Variants in DACH1 observed in about 807,000 individuals in gnomAD.
The protein encoded by DACH1 is dachshund family transcription factor 1, also known as dachshund homolog 1.
DACH1 carries 12 observed loss-of-function variants against 54.2 expected under a neutral mutation model. The ratio of observed to expected loss-of-function variants is 0.22; its 90% CI spans 0.14 to 0.36. The LOEUF is 0.36. Ranked by LOEUF, DACH1 falls within the 10% of genes least tolerant of loss-of-function variation. DACH1 has a pLI of 1.00. For missense variants in DACH1, 805 were observed against 929.8 expected, an observed-to-expected ratio of 0.87 and a Z score of 1.75; for synonymous variants, 386 against 366.2, an observed-to-expected ratio of 1.05 and a Z score of -0.62.
At chr13:71,563,727 T>A (rs1884736702) in intron 4 of DACH1, among the ~76,000 whole-genome samples, 1 of 151,650 alleles carries the variant, frequency 6.6e-6, no homozygotes, top group Non-Finnish European at 1.5e-5. Context: ...GCTCAGTAAA[T>A]ATGTATAAGT....
chr13:71,678,246 G>C (rs1479849929), intron 2 of DACH1, among the ~76,000 whole-genome samples: 1 of 152,158 alleles, frequency 6.6e-6, no homozygotes, highest in African/African-American at 2.4e-5. Flanking sequence ...GTGGGAGAAA[G>C]ATGTTATATA....
At chr13:71,602,891 T>A (rs1321340443) in intron 3 of DACH1, among the ~76,000 whole-genome samples, 20 of 151,992 alleles carry the variant, frequency 1.3e-4, no homozygotes, top group Admixed American at 1.3e-3. Flanking sequence ...TCATATGCTG[T>A]GAGTTAATAA....
At chr13:71,477,602 T>C in intron 8 of DACH1, among the ~76,000 whole-genome samples, 1 of 152,050 alleles carries the variant, frequency 6.6e-6, no homozygotes, top group Non-Finnish European at 1.5e-5. Flanking sequence ...ATCATGTGCT[T>C]ACCTTAACAA....
intron 6 of DACH1, among the ~76,000 whole-genome samples, chr13:71,539,402 C>T (rs937793124): frequency 1.3e-5 from 2 of 151,892 alleles, no homozygotes; most frequent in Non-Finnish European, 2.9e-5. Context: ...ATCTTTCCTT[C>T]GAAAGACTTT....
At chr13:71,551,181 T>C (rs564579024) in intron 6 of DACH1, among the ~76,000 whole-genome samples, 3 of 152,194 alleles carry the variant, frequency 2.0e-5, no homozygotes, top group Non-Finnish European at 4.4e-5. Flanking sequence ...AATTTTTTAT[T>C]GATACATAAT....
At position 71,675,238 on chromosome 13, in the gene DACH1, A is replaced by G. The variant is rs1453910511; in HGVS notation, c.964+6557T>C. The G allele has an allele frequency of 1.6e-5, 25 of 1,574,344 alleles. No homozygotes were observed. In the Admixed American group the frequency reaches 2.3e-4, roughly 15 times the overall value. On this transcript the variant is annotated intron_variant, in intron 2 of 10. Transcript: ENST00000613252. ...TGAAGTTAGACGTTATCAGAAGTCCACTGAACTTCTGATTCGCAGACTTCC... is the reference window on the plus strand; with the variant it reads ...TGAAGTTAGACGTTATCAGAAGTCCGCTGAACTTCTGATTCGCAGACTTCC...
intron 1 of DACH1, among the ~76,000 whole-genome samples, chr13:71,746,664 A>C (rs1025974131): frequency 6.7e-6 from 1 of 150,186 alleles, no homozygotes; most frequent in Non-Finnish European, 1.5e-5. Flanking sequence ...AACAAACAAA[A>C]AACCTCCACA....
chr13:71,469,608 A>T lies in DACH1; in HGVS notation c.2083+5533T>A, dbSNP rs1876893860. On this transcript the variant is annotated intron_variant, in intron 10 of 10. Coordinates refer to ENST00000613252, the MANE Select transcript of DACH1 (RefSeq NM_080759.6). ...GACTTTTAACAAGTCATCCAACCTCACTAAGCCCCCTCTTTTGCACAATAA... is the reference window on the plus strand; with the variant it reads ...GACTTTTAACAAGTCATCCAACCTCTCTAAGCCCCCTCTTTTGCACAATAA... Among the ~76,000 whole-genome samples the T allele has an allele frequency of 5.3e-5, 8 of 152,192 alleles. No homozygotes were observed. The South Asian group carries it at 1.7e-3, about 32-fold the overall frequency.
chr13:71,652,447 C>G (rs1878752845), intron 2 of DACH1, among the ~76,000 whole-genome samples: 1 of 152,102 alleles, frequency 6.6e-6, no homozygotes, highest in Non-Finnish European at 1.5e-5. Flanking sequence ...ACCTACCTTT[C>G]CACATATATC....
At chr13:71,713,042 C>T (rs907832240) in intron 1 of DACH1, among the ~76,000 whole-genome samples, 26 of 151,350 alleles carry the variant, frequency 1.7e-4, no homozygotes, top group African/African-American at 6.1e-4. Flanking sequence ...AGTAATGGGC[C>T]CATGGCAGCA....
chr13:71,573,707 G>A (rs1256981894), intron 3 of DACH1: 1 of 449,044 alleles, frequency 2.2e-6, no homozygotes. Context: ...ATAAGCCGAG[G>A]TAAGTAAATT....
intron 3 of DACH1, among the ~76,000 whole-genome samples, chr13:71,626,727 T>C (rs1876672821): frequency 6.6e-6 from 1 of 152,054 alleles, no homozygotes; most frequent in Non-Finnish European, 1.5e-5. Context: ...GTGCATATCA[T>C]CTGTCTCAGC....
chr13:71,591,518 A>G (rs1221421834), intron 3 of DACH1, among the ~76,000 whole-genome samples: 2 of 152,194 alleles, frequency 1.3e-5, no homozygotes, highest in Non-Finnish European at 2.9e-5. Flanking sequence ...TCTTTACTAA[A>G]TGGCTTGAAA....
intron 1 of DACH1, among the ~76,000 whole-genome samples, chr13:71,746,376 A>G (rs760005301): frequency 4.6e-5 from 7 of 152,218 alleles, no homozygotes; most frequent in African/African-American, 1.7e-4. Context: ...GAGTTTAAGA[A>G]TACAAAAATC....
chr13:71,810,850 G>A (rs1887681235), intron 1 of DACH1, among the ~76,000 whole-genome samples: 1 of 152,100 alleles, frequency 6.6e-6, no homozygotes, highest in African/African-American at 2.4e-5. Context: ...TGATGCCCTT[G>A]ATTCTTTAAT....
Position 71,519,883 on chromosome 13 carries a change from G to GTGTATA in DACH1, c.1571-30736_1571-30735insTATACA, listed in dbSNP as rs552808622. Among the ~76,000 whole-genome samples the GTGTATA allele has an allele frequency of 1.8e-3, 54 of 29,340 alleles. 10 individuals carry two copies. The highest frequency in any genetic ancestry group is 3.3e-3 in the Non-Finnish European group (34 of 10,176). The allele number at this position is 29,340 out of a possible 152,430, so 19.2% of individuals were successfully genotyped here. A position where few individuals can be genotyped will look rare whatever the true frequency, so the allele number is the denominator to read the frequency against. On this transcript the variant is annotated intron_variant, in intron 6 of 10. Coordinates refer to ENST00000613252, the MANE Select transcript of DACH1 (RefSeq NM_080759.6). ...AGATGTTTGTGTCCAAACCAAAGTA[G>GTGTATA]TATATATATATATATATATATATAT...
intron 1 of DACH1, among the ~76,000 whole-genome samples, chr13:71,731,518 C>T (rs1199960645): frequency 6.6e-6 from 1 of 152,038 alleles, no homozygotes; most frequent in Non-Finnish European, 1.5e-5. Flanking sequence ...CTCCTGACCT[C>T]GTGCTCGACC....
intron 2 of DACH1, among the ~76,000 whole-genome samples, chr13:71,677,317 T>A (rs1445339322): frequency 6.6e-6 from 1 of 152,232 alleles, no homozygotes. Context: ...TTGCCTTGTG[T>A]GACTCTACAA....
At chr13:71,534,960 T>A (rs547023022) in intron 6 of DACH1, among the ~76,000 whole-genome samples, 1 of 151,932 alleles carries the variant, frequency 6.6e-6, no homozygotes, top group African/African-American at 2.4e-5. Flanking sequence ...TTTATTTTCA[T>A]ATGAAAGAGG....
Sources: allele counts gnomAD v4.1 joint callset (sites outside exome capture counted in the v4.1 genomes callset), GRCh38; gene constraint gnomAD v4.1.1; transcripts MANE v1.5; gene names NCBI Gene and HGNC (gene_info 2026-07-23, HGNC 2026-07-21).